LRFN3: variants seen among roughly 807,000 people sequenced by gnomAD.
LRFN3 encodes leucine-rich repeat and fibronectin type-III domain-containing protein 3.
Under a neutral mutation model 23.8 loss-of-function variants are expected in LRFN3, and 8 were observed. The observed-to-expected ratio is 0.34, with a 90% CI of 0.20 to 0.61. The LOEUF (loss-of-function observed/expected upper bound fraction) is 0.61, where lower values mean the gene tolerates loss of function less well. Among genes scored for constraint, LRFN3 ranks in the 20% least tolerant of loss-of-function variants. The probability of loss-of-function intolerance (pLI) is 0.80; values close to 1 mark genes in which losing one functional copy is unlikely to be tolerated. For synonymous variants in LRFN3, 451 were observed against 450.6 expected, an observed-to-expected ratio of 1.00 and a Z score of -0.01; for missense variants, 736 against 935.3, an observed-to-expected ratio of 0.79 and a Z score of 2.78.
At position 35,940,624 on chromosome 19, in the gene LRFN3, C is replaced by T. The variant is rs888412976; in HGVS notation, c.1199C>T (p.Pro400Leu). 6.8e-6 allele frequency: 11 copies of T among 1,610,100 alleles called. No homozygotes were observed. The highest frequency in any genetic ancestry group is 9.3e-6 in the Non-Finnish European group (11 of 1,177,392). The change falls in exon 2 of 3, where the codon CCG (proline) becomes CTG (leucine). Residue 400 changes from proline to leucine, a missense_variant. By Grantham distance (98) the Pro-to-Leu change is moderately conservative (BLOSUM62 -3). This residue lies in a region of LRFN3 where 446 missense variants were observed against 647.9 expected (regional missense o/e 0.69). Transcript: ENST00000246529. The stretch of plus-strand genomic sequence containing the variant: ...GCCAACAGCACCAGCTGTGACCCCC[C>T]GCGGGACGGGGATCCTGATGCTCTC... ...QLANSTSCDP[P>L]RDGDPDALTP...
At chr19:35,943,491 G>A (rs1254360121) in intron 2 of LRFN3, among the ~76,000 whole-genome samples, 2 of 152,074 alleles carry the variant, frequency 1.3e-5, no homozygotes, top group East Asian at 1.9e-4. Context: ...CAAGGAAATC[G>A]GGCAACAGGG....
At position 35,939,593 on chromosome 19, in the gene LRFN3, G is replaced by T. The variant is rs879310875; in HGVS notation, c.168G>T (p.Ser56=). 2 of 1,608,710 alleles carry T rather than the reference G, an allele frequency of 1.2e-6. No individual in the cohort carries two copies. The highest frequency in any genetic ancestry group is 3.3e-5 in the Admixed American group (2 of 59,938). The part of the protein sequence containing the change: ...PGAGLLFVPP[S]LDRRAAELRL... The stretch of plus-strand genomic sequence containing the variant: ...CAGGCCTCCTGTTCGTGCCACCCTC[G>T]CTGGACCGCCGGGCAGCCGAGCTGC... The change falls in exon 2 of 3, where the codon TCG becomes TCT. Residue 56 remains serine, a synonymous_variant. Coordinates refer to ENST00000246529, the MANE Select transcript of LRFN3 (RefSeq NM_024509.2). This position sits in a 1 kb window ranked among gnomAD's most constrained non-coding sequence, Gnocchi z 6.4.
rs762327691 is a variant in LRFN3, at chr19:35,944,814, G to A, written c.1682G>A (p.Arg561His). Reference sequence around the variant, plus strand: ...GTCTTCATCTTCGTGCTGCTAATGCGCTACAAGGTGCACGGCGGCCAGCCC... The same window carrying A: ...GTCTTCATCTTCGTGCTGCTAATGCACTACAAGGTGCACGGCGGCCAGCCC... ...VLVFIFVLLM[R>H]YKVHGGQPPG... The change falls in exon 3 of 3, where the codon CGC becomes CAC. Residue 561 changes from arginine to histidine, a missense_variant. By Grantham distance (29) the Arg-to-His change is conservative. This residue lies in a region of LRFN3 where 290 missense variants were observed against 287.4 expected (regional missense o/e 1.01). Coordinates refer to ENST00000246529, the MANE Select transcript of LRFN3 (RefSeq NM_024509.2). The surrounding 1 kb of genome is among the most constrained non-coding windows in gnomAD (Gnocchi z 4.5). 2 of 1,609,782 alleles carry A rather than the reference G, an allele frequency of 1.2e-6. No homozygotes were observed. Among genetic ancestry groups the A allele is most frequent in the Admixed American group, 3.3e-5 (2 of 59,936 alleles).
At position 35,936,381 on chromosome 19, in the gene LRFN3, G is replaced by A. The variant is rs575031517; in HGVS notation, c.-1191G>A. On this transcript the variant is annotated 5_prime_UTR_variant, in exon 1 of 3. Transcript: ENST00000246529. ...CGCGGAGCCTGCGCCTTTAAGCGCC[G>A]GTGCGCGCGCTGCCCTGGGTTGCCG... 2.6e-4 allele frequency among the ~76,000 whole-genome samples: 40 copies of A among 151,844 alleles called. No homozygotes were observed. Among genetic ancestry groups the A allele is most frequent in the African/African-American group, 9.6e-4 (40 of 41,478 alleles).
In LRFN3 at chr19:35,940,479, G is replaced by A. The variant is rs1474045231; in HGVS notation, c.1054G>A (p.Glu352Lys). The A allele has an allele frequency of 6.2e-7, 1 of 1,610,500 alleles. No homozygotes were observed. Among genetic ancestry groups the A allele is most frequent in the Non-Finnish European group, 8.5e-7 (1 of 1,179,522 alleles). The change falls in exon 2 of 3, where the codon GAG becomes AAG. Residue 352 changes from glutamate (E) to lysine (K), a missense_variant. Around this residue, in one of 2 missense-constraint regions of LRFN3, gnomAD observed 446 missense variants for 647.9 expected, o/e 0.69. Transcript: ENST00000246529. ...RARAFPNGTL[E>K]LLVTEPGDGG... Reference sequence around the variant, plus strand: ...CCGCGCCTTCCCCAATGGGACGCTGGAGCTGCTGGTCACCGAGCCGGGTGA... The same window carrying A: ...CCGCGCCTTCCCCAATGGGACGCTGAAGCTGCTGGTCACCGAGCCGGGTGA...
At chr19:35,942,965 G>T (rs555666326) in intron 2 of LRFN3, among the ~76,000 whole-genome samples, 11 of 151,434 alleles carry the variant, frequency 7.3e-5, no homozygotes, top group African/African-American at 2.4e-4. Context: ...GGAGGCGGAG[G>T]TTGCAGTGAG....
At position 35,940,770 on chromosome 19, in the gene LRFN3, C is replaced by T. The variant is rs769217067; in HGVS notation, c.1345C>T (p.Arg449Trp). ...TGCTCTTGTCCAGTGGCCGGATCAG[C>T]GGCCTATCCCGGGCATCCGCATGTA... ...TAALVQWPDQ[R>W]PIPGIRMYQI... The change falls in exon 2 of 3, where the codon CGG becomes TGG. Residue 449 changes from arginine (R) to tryptophan (W), a missense_variant. Physicochemically the swap from Arg to Trp is moderately radical, Grantham distance 101 (BLOSUM62 -3). Coordinates refer to ENST00000246529, the MANE Select transcript of LRFN3 (RefSeq NM_024509.2). 55 of 1,611,280 alleles carry T rather than the reference C, an allele frequency of 3.4e-5. 1 individual carries two copies. Among genetic ancestry groups the T allele is most frequent in the South Asian group, 2.1e-4 (19 of 90,920 alleles).
At position 35,939,178 on chromosome 19, in the gene LRFN3, C is replaced by T. The variant is rs562121474; in HGVS notation, c.-16-232C>T. The stretch of plus-strand genomic sequence containing the variant: ...ACACGGTCTCACTTTGTTGCCCAGG[C>T]TGGTCTTGAACTCCTGGCCTCAAGC... On this transcript the variant is annotated intron_variant, in intron 1 of 2. Coordinates refer to ENST00000246529, the MANE Select transcript of LRFN3 (RefSeq NM_024509.2). The surrounding 1 kb of genome is among the most constrained non-coding windows in gnomAD (Gnocchi z 6.4). Among the ~76,000 whole-genome samples, 9 of 152,308 alleles carry T rather than the reference C, an allele frequency of 5.9e-5. No homozygotes were observed. The East Asian group carries it at 1.7e-3, about 29-fold the overall frequency.
Position 35,940,499 on chromosome 19 carries a change from G to T in LRFN3, c.1074G>T (p.Pro358=). The T allele has an allele frequency of 6.2e-7, 1 of 1,611,476 alleles. No individual in the cohort carries two copies. The stretch of plus-strand genomic sequence containing the variant: ...CGCTGGAGCTGCTGGTCACCGAGCC[G>T]GGTGATGGTGGCATCTTCACCTGCA... ...NGTLELLVTE[P]GDGGIFTCIA... The change falls in exon 2 of 3, where the codon CCG becomes CCT. Residue 358 remains proline (P), a synonymous_variant. Transcript: ENST00000246529.
chr19:35,940,726 C>A lies in LRFN3; in HGVS notation c.1301C>A (p.Thr434Asn). Residue 434 changes from threonine to asparagine, a missense_variant, in exon 2 of 3, where the codon ACT becomes AAT. By Grantham distance (65) the Thr-to-Asn change is moderately conservative (BLOSUM62 0). Around this residue, in one of 2 missense-constraint regions of LRFN3, gnomAD observed 446 missense variants for 647.9 expected, o/e 0.69. Transcript: ENST00000246529. ...CCTACCGACCGTGGCGTCCAGGTGACTGAGCACGGGGCCACAGCTGCTCTT... is the reference window on the plus strand; with the variant it reads ...CCTACCGACCGTGGCGTCCAGGTGAATGAGCACGGGGCCACAGCTGCTCTT... ...GPPTDRGVQV[T>N]EHGATAALVQ... 8 of 1,613,572 alleles carry A rather than the reference C, an allele frequency of 5.0e-6. No homozygotes were observed. The highest frequency in any genetic ancestry group is 5.9e-6 in the Non-Finnish European group (7 of 1,179,978).
chr19:35,942,044 G>A (rs549608276), intron 2 of LRFN3, among the ~76,000 whole-genome samples: 87 of 151,654 alleles, frequency 5.7e-4, no homozygotes, highest in Admixed American at 4.1e-3. Context: ...CACCATGCCC[G>A]GCTAATTTTT....
At chr19:35,938,348 T>G (rs1976079543) in intron 1 of LRFN3, among the ~76,000 whole-genome samples, 1 of 150,686 alleles carries the variant, frequency 6.6e-6, no homozygotes, top group South Asian at 2.1e-4. Context: ...TCTCACTCAT[T>G]GATGCCCTCT....
Position 35,944,847 on chromosome 19 carries a change from A to G in LRFN3, c.1715A>G (p.Lys572Arg). ...YKVHGGQPPG[K>R]AKIPAPVSSV... is the part of the protein sequence containing the mutation. ...GTGCACGGCGGCCAGCCCCCCGGCA[A>G]GGCCAAGATTCCCGCGCCTGTTAGC... Residue 572 changes from lysine to arginine, a missense_variant, in exon 3 of 3, where the codon AAG (lysine) becomes AGG (arginine). By Grantham distance (26) the Lys-to-Arg change is conservative. Transcript: ENST00000246529. This position sits in a 1 kb window ranked among gnomAD's most constrained non-coding sequence, Gnocchi z 4.5. 1 of 1,604,482 alleles carries G rather than the reference A, an allele frequency of 6.2e-7. No homozygotes were observed. Among genetic ancestry groups the G allele is most frequent in the Non-Finnish European group, 8.5e-7 (1 of 1,179,076 alleles).
intron 2 of LRFN3, among the ~76,000 whole-genome samples, chr19:35,943,111 C>G (rs1976140485): frequency 6.6e-6 from 1 of 152,086 alleles, no homozygotes; most frequent in African/African-American, 2.4e-5. Flanking sequence ...GACAGTCACC[C>G]TGCCCCAGGC....
rs1004961894 is a variant in LRFN3, at chr19:35,939,203, C to G, written c.-16-207C>G. Among the ~76,000 whole-genome samples the G allele has an allele frequency of 6.6e-6, 1 of 152,168 alleles. No homozygotes were observed. Among genetic ancestry groups the G allele is most frequent in the African/African-American group, 2.4e-5 (1 of 41,428 alleles). On this transcript the variant is annotated intron_variant, in intron 1 of 2. Transcript: ENST00000246529. This position sits in a 1 kb window ranked among gnomAD's most constrained non-coding sequence, Gnocchi z 6.4. The stretch of plus-strand genomic sequence containing the variant: ...CTGGTCTTGAACTCCTGGCCTCAAG[C>G]CATCCTCCTGCCTCAGCCTCCCCAA...
At chr19:35,937,861 T>C (rs1976074392) in intron 1 of LRFN3, among the ~76,000 whole-genome samples, 1 of 152,068 alleles carries the variant, frequency 6.6e-6, no homozygotes, top group Non-Finnish European at 1.5e-5. Flanking sequence ...ACCACTCCTC[T>C]CTCTGGGCTC....
rs912120966 is a variant in LRFN3 at position 35,938,249 on chromosome 19, C to T, written c.-17+694C>T. On this transcript the variant is annotated intron_variant, in intron 1 of 2. Coordinates refer to ENST00000246529, the MANE Select transcript of LRFN3 (RefSeq NM_024509.2). ...CCCACCCCTGACCCTAACTCCCAGT[C>T]TGCAACTGTCTGACCATCTCTGGCC... Among the ~76,000 whole-genome samples the T allele has an allele frequency of 2.0e-5, 3 of 150,924 alleles. No homozygotes were observed. In the South Asian group the frequency reaches 6.2e-4, roughly 31 times the overall value.
chr19:35,942,677 T>C (rs991130330), intron 2 of LRFN3, among the ~76,000 whole-genome samples: 2 of 152,144 alleles, frequency 1.3e-5, no homozygotes, highest in Admixed American at 6.6e-5. Flanking sequence ...ACTGAGCTCA[T>C]TCTACTCCCT....
Position 35,939,806 on chromosome 19 carries a change from G to C in LRFN3, c.381G>C (p.Leu127=). 5 of 1,603,220 alleles carry C rather than the reference G, an allele frequency of 3.1e-6. No homozygotes were observed. The highest frequency in any genetic ancestry group is 4.2e-6 in the Non-Finnish European group (5 of 1,179,766). The change falls in exon 2 of 3, where the codon CTG becomes CTC. Residue 127 remains leucine (L), a synonymous_variant. Transcript: ENST00000246529. The surrounding 1 kb of genome is among the most constrained non-coding windows in gnomAD (Gnocchi z 6.4). ...NRLTSLGEGQ[L]RGLVNLRHLI... ...TGACCTCACTGGGCGAGGGCCAGCTGCGCGGCCTGGTCAACTTGCGCCACC... is the reference window on the plus strand; with the variant it reads ...TGACCTCACTGGGCGAGGGCCAGCTCCGCGGCCTGGTCAACTTGCGCCACC...
Sources: allele counts gnomAD v4.1 joint callset (sites outside exome capture counted in the v4.1 genomes callset), GRCh38; gene constraint gnomAD v4.1.1; regional missense constraint gnomAD v4.1.1; non-coding constraint Gnocchi (gnomAD v3.1); transcripts MANE v1.5; gene names NCBI Gene and HGNC (gene_info 2026-07-23, HGNC 2026-07-21).